Variants in DDAH1 observed in about 807,000 individuals in gnomAD.
The protein encoded by DDAH1 is dimethylarginine dimethylaminohydrolase 1, also known as N(G),N(G)-dimethylarginine dimethylaminohydrolase 1.
Under a neutral mutation model 28.8 loss-of-function variants are expected in DDAH1, and 19 were observed. That is an observed-to-expected ratio of 0.66 (90% CI 0.46 to 0.97). DDAH1 has a LOEUF of 0.97. DDAH1 is among the 50% of genes least tolerant of loss of function. The pLI is 0.00. For missense variants in DDAH1, 326 were observed against 375.9 expected (o/e 0.87, Z 1.10); for synonymous variants, 153 against 154.4 (o/e 0.99, Z 0.07).
intron 2 of DDAH1, among the ~76,000 whole-genome samples, chr1:85,491,950 T>A (rs1175660949): frequency 6.6e-6 from 1 of 152,226 alleles, no homozygotes; most frequent in African/African-American, 2.4e-5. Context: ...ATATGGCAAA[T>A]AATAATAGCA....
chr1:85,487,814 CT>C (rs1335429868), intron 2 of DDAH1, among the ~76,000 whole-genome samples: 2 of 152,100 alleles, frequency 1.3e-5, no homozygotes, highest in Non-Finnish European at 2.9e-5. Flanking sequence ...ATTTTCTCTT[CT>C]TTTTTTAACT....
intron 1 of DDAH1, among the ~76,000 whole-genome samples, chr1:85,435,750 G>A (rs2100643558): frequency 6.6e-6 from 1 of 152,144 alleles, no homozygotes; most frequent in East Asian, 1.9e-4. Flanking sequence ...GAAATAAAAG[G>A]GACATATGAT....
intron 1 of DDAH1, among the ~76,000 whole-genome samples, chr1:85,420,241 T>C (rs1653080181): frequency 6.6e-6 from 1 of 152,194 alleles, no homozygotes; most frequent in African/African-American, 2.4e-5. Flanking sequence ...CTTTGAGGAC[T>C]TTTCCCCACT....
chr1:85,435,941 C>T (rs1653917370), intron 1 of DDAH1, among the ~76,000 whole-genome samples: 1 of 143,104 alleles, frequency 7.0e-6, no homozygotes, highest in Admixed American at 7.4e-5. Context: ...CTGGCGTGTG[C>T]CACAATGCCC....
At chr1:85,460,674 TCAGTTAATCATTCA>T (rs1655087450) in intron 1 of DDAH1, among the ~76,000 whole-genome samples, 1 of 152,222 alleles carries the variant, frequency 6.6e-6, no homozygotes, top group Non-Finnish European at 1.5e-5. Context: ...TTAAGTTTTG[TCAGTTAATCATTCA>T]TTAGGTACTA....
intron 3 of DDAH1, among the ~76,000 whole-genome samples, chr1:85,351,146 T>C (rs1649176691): frequency 6.6e-6 from 1 of 151,860 alleles, no homozygotes; most frequent in African/African-American, 2.4e-5. Context: ...TCCTCCTGCC[T>C]TGGCCTCCCA....
At chr1:85,542,714 C>T (rs1270605261) in intron 1 of DDAH1, among the ~76,000 whole-genome samples, 3 of 152,186 alleles carry the variant, frequency 2.0e-5, no homozygotes, top group African/African-American at 7.2e-5. Flanking sequence ...AACCCAAATA[C>T]ACTTTCACAC....
intron 1 of DDAH1, among the ~76,000 whole-genome samples, chr1:85,379,124 G>A (rs1650837210): frequency 6.6e-6 from 1 of 152,118 alleles, no homozygotes; most frequent in African/African-American, 2.4e-5. Flanking sequence ...AACCTCAAGG[G>A]AACCGTATAA....
intron 1 of DDAH1, among the ~76,000 whole-genome samples, chr1:85,523,555 G>A (rs1179083858): frequency 6.6e-6 from 1 of 151,992 alleles, no homozygotes; most frequent in South Asian, 2.1e-4. Flanking sequence ...GCCCAGCTCT[G>A]GCTACAATGT....
chr1:85,458,648 G>A (rs972794644), intron 1 of DDAH1, among the ~76,000 whole-genome samples: 2 of 151,960 alleles, frequency 1.3e-5, no homozygotes, highest in Non-Finnish European at 1.5e-5. Flanking sequence ...AAAAGCCCCT[G>A]CTTATGAAAT....
chr1:85,542,382 C>G (rs1284333463), intron 1 of DDAH1, among the ~76,000 whole-genome samples: 1 of 152,240 alleles, frequency 6.6e-6, no homozygotes, highest in African/African-American at 2.4e-5. Flanking sequence ...CAGCCTGTTA[C>G]TGATCAGATT....
At chr1:85,444,776 A>C (rs912385400) in intron 1 of DDAH1, among the ~76,000 whole-genome samples, 1 of 152,222 alleles carries the variant, frequency 6.6e-6, no homozygotes, top group African/African-American at 2.4e-5. Flanking sequence ...TAACCATGCA[A>C]ATAAGTAAGG....
At chr1:85,527,204 C>T (rs1657902345) in intron 1 of DDAH1, among the ~76,000 whole-genome samples, 1 of 152,202 alleles carries the variant, frequency 6.6e-6, no homozygotes, top group Non-Finnish European at 1.5e-5. Context: ...GAGGATCCTG[C>T]TGTCCTCATC....
In DDAH1 at chr1:85,464,588, TG is replaced by T; in HGVS notation, c.303+154del. 7.0e-7 allele frequency: 1 copy of T among 1,438,672 alleles called. No individual in the cohort carries two copies. Among genetic ancestry groups the T allele is most frequent in the Non-Finnish European group, 9.1e-7 (1 of 1,096,840 alleles). The allele number at this position is 1,438,672 out of a possible 1,614,324, so 89.1% of individuals were successfully genotyped here. On this transcript the variant is annotated intron_variant, in intron 1 of 5. Transcript: ENST00000284031. This position sits in a 1 kb window ranked among gnomAD's most constrained non-coding sequence, Gnocchi z 4.4. ...AACAATGAACTTCTCTCTGACTCTC[TG>T]ACACACACACACACACACACACTCG...
chr1:85,505,028 C>T lies in DDAH1; in HGVS notation c.-122-8747G>A, dbSNP rs1036327961. ...GAGACGGAGTTTCACTCTTGTTGCC[C>T]AGGCTGGAGTGCAATGGCGTGATCT... On this transcript the variant is annotated intron_variant, in intron 1 of 6. Coordinates refer to the DDAH1 transcript ENST00000426972. Among the ~76,000 whole-genome samples the T allele has an allele frequency of 5.9e-5, 7 of 118,042 alleles. No individual in the cohort carries two copies. In the East Asian group the frequency reaches 1.5e-3, roughly 25 times the overall value. 77.4% of individuals were successfully genotyped at this position (118,042 alleles called of 152,430 possible).
chr1:85,335,005 C>G (rs1239312140), intron 4 of DDAH1, among the ~76,000 whole-genome samples: 1 of 152,096 alleles, frequency 6.6e-6, no homozygotes, highest in Non-Finnish European at 1.5e-5. Flanking sequence ...GAATTCATCA[C>G]CAAGAGACCA....
chr1:85,462,013 G>T (rs1264638536), intron 1 of DDAH1, among the ~76,000 whole-genome samples: 1 of 152,118 alleles, frequency 6.6e-6, no homozygotes, highest in East Asian at 1.9e-4. Context: ...TTTAAAATAG[G>T]AATTATGATA....
intron 1 of DDAH1, among the ~76,000 whole-genome samples, chr1:85,448,325 A>C (rs1159545941): frequency 6.6e-6 from 1 of 152,200 alleles, no homozygotes; most frequent in Non-Finnish European, 1.5e-5. Context: ...TTTCACCATT[A>C]CTAAGCCTAC....
intron 4 of DDAH1, among the ~76,000 whole-genome samples, chr1:85,342,387 A>AGTGTGTGTGT (rs58992773): frequency 8.1e-5 from 12 of 147,884 alleles, no homozygotes; most frequent in Non-Finnish European, 1.4e-4. Flanking sequence ...TTTTTCTATG[A>AGTGTGTGTGT]GTGTGTGTGT....
Sources: gnomAD v4.1 joint callset for allele counts (sites outside exome capture counted in the v4.1 genomes callset) on GRCh38, gnomAD v4.1.1 for gene constraint, Gnocchi (gnomAD v3.1) non-coding constraint, MANE v1.5 for transcripts, NCBI Gene and HGNC (gene_info 2026-07-23, HGNC 2026-07-21) for gene names.